GTF3C2: variants seen among roughly 807,000 people sequenced by gnomAD.
GTF3C2 encodes general transcription factor IIIC subunit 2.
A neutral mutation model predicts 117.4 loss-of-function variants in GTF3C2; 17 were observed. The observed-to-expected ratio is 0.14, with a 90% CI of 0.10 to 0.22. The LOEUF is 0.22. Ranked by LOEUF, GTF3C2 falls within the 10% of genes least tolerant of loss-of-function variation. The pLI, the probability that GTF3C2 is intolerant of heterozygous loss-of-function variation, is 1.00. For synonymous variants in GTF3C2, 437 were observed against 427.0 expected, an observed-to-expected ratio of 1.02 and a Z score of -0.29; for missense variants, 888 against 1,143.6, an observed-to-expected ratio of 0.78 and a Z score of 3.22.
chr2:27,336,906 G>A (rs1447117989), intron 7 of GTF3C2: 14 of 253,868 alleles, frequency 5.5e-5, no homozygotes, highest in African/African-American at 8.9e-5. Context: ...CACCACACCC[G>A]GCCTCCAAAG....
intron 9 of GTF3C2, 22 bp from the exon 10 acceptor site, chr2:27,335,728 G>T: frequency 6.9e-7 from 1 of 1,458,676 alleles, no homozygotes; most frequent in Non-Finnish European, 9.4e-7. Flanking sequence ...AAGGTATGCT[G>T]AGGCTTGCTG....
intron 16 of GTF3C2, 132 bp from the exon 17 acceptor site, chr2:27,328,321 C>T (rs528519375): frequency 2.6e-5 from 27 of 1,026,304 alleles, no homozygotes; most frequent in Middle Eastern, 2.4e-4. Flanking sequence ...AGATGCAGTA[C>T]GGTAGGGAAG....
intron 8 of GTF3C2, 30 bp from the exon 9 acceptor site, chr2:27,336,058 G>A: frequency 3.3e-6 from 5 of 1,508,728 alleles, no homozygotes; most frequent in South Asian, 1.1e-5. Context: ...GGGGATGGTG[G>A]GTAGGAAGAA....
chr2:27,354,423 G>T (rs1358265362), intron 1 of GTF3C2, among the ~76,000 whole-genome samples: 1 of 152,178 alleles, frequency 6.6e-6, no homozygotes, highest in African/African-American at 2.4e-5. Context: ...GTTAACATAA[G>T]GAGCTAAATG....
In GTF3C2 at chr2:27,329,356, T is replaced by C. The variant is rs533881871; in HGVS notation, c.1877+23A>G. 6 of 1,613,922 alleles carry C rather than the reference T, an allele frequency of 3.7e-6. No individual in the cohort carries two copies. In the African/African-American group the frequency reaches 5.3e-5, roughly 14 times the overall value. ...CCTGTCCCAGTCTTCACCTTCCCCC[T>C]CCACATACCTCCTATTCCATACCTG... On this transcript the variant is annotated intron_variant, in intron 13 of 18. Transcript: ENST00000264720. This position sits in a 1 kb window ranked among gnomAD's most constrained non-coding sequence, Gnocchi z 4.5.
In GTF3C2 at chr2:27,343,155, GA is replaced by G; in HGVS notation, c.248-9del. The G allele has an allele frequency of 6.4e-7, 1 of 1,555,874 alleles. No individual in the cohort carries two copies. Among genetic ancestry groups the G allele is most frequent in the African/African-American group, 1.4e-5 (1 of 72,982 alleles). On this transcript the variant is annotated splice_polypyrimidine_tract_variant and intron_variant, in intron 2 of 18. Coordinates refer to ENST00000264720, the Ensembl canonical transcript of GTF3C2. ...ACATCTCTGAAGAAAGATCTGTGGA[GA>G]AGAATATGGGTCTGTGAGATGGGAC...
At chr2:27,335,835 T>C in intron 9 of GTF3C2, 82 bp downstream of exon 9, 3 of 1,113,764 alleles carry the variant, frequency 2.7e-6, no homozygotes, top group Non-Finnish European at 4.0e-6. Flanking sequence ...CCAACCTTCG[T>C]TCCTTCAACT....
chr2:27,342,315 A>G (rs1310268671), intron 3 of GTF3C2, 82 bp from the exon 4 acceptor site: 25 of 1,116,828 alleles, frequency 2.2e-5, no homozygotes, highest in African/African-American at 1.1e-4. Context: ...TTTTATCTCA[A>G]TGGAGCCTCC....
chr2:27,327,088 T>C, intron 18 of GTF3C2, 89 bp downstream of exon 18: 1 of 743,530 alleles, frequency 1.3e-6, no homozygotes, highest in Non-Finnish European at 2.3e-6. Context: ...GGTTGTCATC[T>C]GTGTAACCTT....
rs1680141955 is a variant in GTF3C2, at chr2:27,327,938, T to A, written c.2409+99A>T. On this transcript the variant is annotated intron_variant, in intron 17 of 18. Transcript: ENST00000264720. ...ACTGCACCTGGCCGAGGCTCCTTAG[T>A]TTTACATCTTTGTGCTGAACTCAGG... The A allele has an allele frequency of 6.8e-6, 7 of 1,023,230 alleles. No individual in the cohort carries two copies. The South Asian group carries it at 1.1e-4, about 16-fold the overall frequency. The allele number at this position is 1,023,230 out of a possible 1,614,324, so 63.4% of individuals were successfully genotyped here.
At chr2:27,337,825 AC>A in intron 5 of GTF3C2, 100 bp downstream of exon 5, 1 of 780,900 alleles carries the variant, frequency 1.3e-6, no homozygotes, top group East Asian at 2.4e-5. Flanking sequence ...ACGGTATTCC[AC>A]CCATGAGTGC....
intron 3 of GTF3C2, 136 bp from the exon 4 acceptor site, chr2:27,342,369 T>C (rs1379323622): frequency 7.2e-6 from 5 of 694,740 alleles, no homozygotes; most frequent in Non-Finnish European, 9.2e-6. Context: ...AATTTCCCCT[T>C]CCCCCTTGGA....
chr2:27,328,422 T>G lies in GTF3C2; in HGVS notation c.2256+46A>C, dbSNP rs535748521. 3.1e-6 allele frequency: 5 copies of G among 1,604,652 alleles called. No individual in the cohort carries two copies. The African/African-American group carries it at 6.7e-5, about 21-fold the overall frequency. On this transcript the variant is annotated intron_variant, in intron 16 of 18. Coordinates refer to ENST00000264720, the Ensembl canonical transcript of GTF3C2. ...TACTCTACCAGAATTTGGGAGGGCA[T>G]GTGGGTTAGGATCCAACAGCTGCTG...
intron 17 of GTF3C2, among the ~76,000 whole-genome samples, chr2:27,327,758 G>A (rs939186592): frequency 1.3e-5 from 2 of 150,990 alleles, no homozygotes; most frequent in African/African-American, 4.9e-5. Flanking sequence ...CTCCTGAATA[G>A]CTGGGACTAC....
intron 1 of GTF3C2, among the ~76,000 whole-genome samples, chr2:27,344,030 T>TC (rs2148313882): frequency 1.3e-5 from 2 of 151,896 alleles, no homozygotes; most frequent in South Asian, 4.2e-4. Context: ...CTTCCATTTT[T>TC]TTTTTTTTTT....
intron 1 of GTF3C2, among the ~76,000 whole-genome samples, chr2:27,344,882 G>A (rs1390562163): frequency 6.6e-6 from 1 of 152,150 alleles, no homozygotes; most frequent in Non-Finnish European, 1.5e-5. Context: ...CTACTTGGAA[G>A]GCTGAGACAG....
chr2:27,329,664 C>G lies in GTF3C2; in HGVS notation c.1733-141G>C. 1.4e-6 allele frequency: 1 copy of G among 727,414 alleles called. No individual in the cohort carries two copies. The highest frequency in any genetic ancestry group is 2.3e-6 in the Non-Finnish European group (1 of 435,960). The allele number at this position is 727,414 out of a possible 1,614,324, so 45.1% of individuals were successfully genotyped here. ...GAAAGGATGTGGGGATCCTGATTAG[C>G]TATCCAACACTCCCTCCAGGGCTTA... On this transcript the variant is annotated intron_variant, in intron 12 of 18. Transcript: ENST00000264720. The surrounding 1 kb of genome is among the most constrained non-coding windows in gnomAD (Gnocchi z 4.5).
intron 1 of GTF3C2, among the ~76,000 whole-genome samples, chr2:27,351,551 GGA>G (rs1681140587): frequency 6.6e-6 from 1 of 152,176 alleles, no homozygotes; most frequent in Non-Finnish European, 1.5e-5. Context: ...TAACTAAATA[GGA>G]GAGCCGCTTC....
Position 27,329,491 on chromosome 2 carries a change from A to T in GTF3C2, c.1765T>A (p.Ser589Thr). The change falls in exon 13 of 19, where the codon TCA becomes ACA. Residue 589 changes from serine (S) to threonine (T), a missense_variant. Ser to Thr is a moderately conservative substitution (Grantham distance 58). Around this residue, in one of 7 missense-constraint regions of GTF3C2, gnomAD observed 277 missense variants for 445.4 expected, o/e 0.62. Coordinates refer to ENST00000264720, the Ensembl canonical transcript of GTF3C2. This position sits in a 1 kb window ranked among gnomAD's most constrained non-coding sequence, Gnocchi z 4.5. ...GAGAGCCGTATCCGCTGCAGGGGTG[A>T]GTTAGTGGGAAGGTTCCAGAAAACC... is the stretch of plus-strand genomic sequence containing the variant. 6.2e-7 allele frequency: 1 copy of T among 1,614,080 alleles called. No homozygotes were observed. Among genetic ancestry groups the T allele is most frequent in the Non-Finnish European group, 8.5e-7 (1 of 1,179,966 alleles).
Sources: gnomAD v4.1 joint callset for allele counts (sites outside exome capture counted in the v4.1 genomes callset) on GRCh38, gnomAD v4.1.1 for gene constraint, gnomAD v4.1.1 regional missense constraint, Gnocchi (gnomAD v3.1) non-coding constraint, MANE v1.5 for transcripts, NCBI Gene and HGNC (gene_info 2026-07-23, HGNC 2026-07-21) for gene names.